The following HELLS variants were observed in gnomAD, a reference collection of about 807,000 sequenced individuals.
HELLS encodes the protein lymphoid-specific helicase.
Under a neutral mutation model 120.0 loss-of-function variants are expected in HELLS, and 32 were observed. The observed-to-expected ratio is 0.27, with a 90% confidence interval of 0.20 to 0.36. HELLS has a LOEUF of 0.36. HELLS is among the 10% of genes least tolerant of loss of function. The pLI is 1.00. For synonymous variants in HELLS, 341 were observed against 323.4 expected (o/e 1.05, Z -0.58); for missense variants, 650 against 993.4 (o/e 0.65, Z 4.65).
downstream of HELLS, among the ~76,000 whole-genome samples, chr10:94,603,805 C>G (rs954772594): frequency 1.3e-5 from 2 of 151,736 alleles, no homozygotes; most frequent in African/African-American, 4.8e-5. Context: ...TAAAGGAAAT[C>G]TTGTTGCCTG....
intron 10 of HELLS, among the ~76,000 whole-genome samples, chr10:94,578,937 G>A (rs1264960885): frequency 6.6e-6 from 1 of 152,082 alleles, no homozygotes; most frequent in Non-Finnish European, 1.5e-5. Context: ...TGAGCAGTGG[G>A]GAGTGGCTGT....
intron 8 of HELLS, 102 bp downstream of exon 8, chr10:94,574,289 A>G (rs190280680): frequency 9.2e-5 from 74 of 801,888 alleles, no homozygotes; most frequent in Middle Eastern, 4.7e-4. Flanking sequence ...ATGTTTCACT[A>G]TTATACATTT....
At chr10:94,563,521 CTG>C (rs1330752982) in intron 6 of HELLS, among the ~76,000 whole-genome samples, 3 of 151,748 alleles carry the variant, frequency 2.0e-5, no homozygotes, top group Non-Finnish European at 4.4e-5. Context: ...GGGTATCACT[CTG>C]TGACTCAAGC....
chr10:94,574,387 C>A, intron 8 of HELLS, 167 bp from the exon 9 acceptor site: 1 of 703,260 alleles, frequency 1.4e-6, no homozygotes, highest in Non-Finnish European at 2.3e-6. Flanking sequence ...ACTTTTATGG[C>A]TTTGATAAAG....
chr10:94,550,425 C>T (rs999865123), intron 2 of HELLS, among the ~76,000 whole-genome samples: 2 of 151,794 alleles, frequency 1.3e-5, no homozygotes, highest in Non-Finnish European at 2.9e-5. Context: ...ACTACAGGCG[C>T]GTGCCACCAC....
intron 6 of HELLS, among the ~76,000 whole-genome samples, chr10:94,567,655 C>T (rs1264706432): frequency 1.3e-5 from 2 of 152,232 alleles, no homozygotes; most frequent in African/African-American, 4.8e-5. Flanking sequence ...CCTGTTATCC[C>T]AGCACTTTGG....
rs533405857 is a variant in HELLS, at chr10:94,578,584, C to T, written c.1032+1779C>T. 3.3e-5 allele frequency among the ~76,000 whole-genome samples: 5 copies of T among 152,114 alleles called. No individual in the cohort carries two copies. The South Asian group carries it at 1.0e-3, about 32-fold the overall frequency. On this transcript the variant is annotated intron_variant, in intron 10 of 21. Transcript: ENST00000348459. ...TTACCTGGGCATAGTGGCCTAGCTC[C>T]TTGGGAGGCTGAGGCAGGATAATTG...
chr10:94,599,855 T>C (rs1285974810), intron 21 of HELLS, among the ~76,000 whole-genome samples: 1 of 152,224 alleles, frequency 6.6e-6, no homozygotes, highest in Non-Finnish European at 1.5e-5. Context: ...GACAGAATTA[T>C]GAAACATTGA....
intron 14 of HELLS, 40 bp downstream of exon 14, chr10:94,590,592 T>A (rs762593545): frequency 2.5e-6 from 4 of 1,609,836 alleles, no homozygotes; most frequent in Non-Finnish European, 3.4e-6. Flanking sequence ...CTTTAAACTG[T>A]GACCATTTTT....
intron 10 of HELLS, among the ~76,000 whole-genome samples, chr10:94,577,917 G>C (rs1180246787): frequency 1.3e-5 from 2 of 151,916 alleles, no homozygotes; most frequent in Non-Finnish European, 2.9e-5. Flanking sequence ...AAAAAAATTA[G>C]CCGGGCGCGG....
rs148247588 is a variant in HELLS at position 94,571,328 on chromosome 10, A to G, written c.436-60A>G. On this transcript the variant is annotated intron_variant, in intron 6 of 21. Coordinates refer to ENST00000348459, the MANE Select transcript of HELLS (RefSeq NM_018063.5). Reference sequence around the variant, plus strand: ...TGAGCACAGAATAAATGCTTGTTGAATAAATAAATAAATGAACTTCATACA... The same window carrying G: ...TGAGCACAGAATAAATGCTTGTTGAGTAAATAAATAAATGAACTTCATACA... 1,131 of 1,284,176 alleles carry G rather than the reference A, an allele frequency of 8.8e-4. 9 individuals carry two copies. The African/African-American group carries it at 0.014, about 16-fold the overall frequency. 79.5% of individuals were successfully genotyped at this position (1,284,176 alleles called of 1,614,324 possible). A position where few individuals can be genotyped will look rare whatever the true frequency, so the allele number is the denominator to read the frequency against.
At chr10:94,599,823 A>G (rs1234222141) in intron 21 of HELLS, among the ~76,000 whole-genome samples, 1 of 152,208 alleles carries the variant, frequency 6.6e-6, no homozygotes, top group Non-Finnish European at 1.5e-5. Flanking sequence ...AAGTTTAACA[A>G]TTTTTAACAT....
At chr10:94,599,302 A>G (rs1473874771) in intron 21 of HELLS, among the ~76,000 whole-genome samples, 2 of 152,230 alleles carry the variant, frequency 1.3e-5, no homozygotes, top group Non-Finnish European at 2.9e-5. Flanking sequence ...GAACTAGATG[A>G]TCACCTAATT....
chr10:94,608,280 T>C (rs963880532), intron 9 of HELLS, among the ~76,000 whole-genome samples: 1 of 152,248 alleles, frequency 6.6e-6, no homozygotes, highest in African/African-American at 2.4e-5. Flanking sequence ...TAATTTTTCC[T>C]ATTGTCCTTT....
intron 13 of HELLS, 151 bp from the exon 14 acceptor site, chr10:94,590,262 G>T: frequency 1.5e-6 from 1 of 670,082 alleles, no homozygotes; most frequent in African/African-American, 1.9e-5. Flanking sequence ...AGATATTGTT[G>T]TCCATGTTAA....
intron 4 of HELLS, among the ~76,000 whole-genome samples, chr10:94,562,447 AT>A (rs1456903919): frequency 6.6e-6 from 1 of 152,170 alleles, no homozygotes; most frequent in Non-Finnish European, 1.5e-5. Flanking sequence ...TAATTTTGAA[AT>A]TTCTCTTCTA....
intron 2 of HELLS, among the ~76,000 whole-genome samples, chr10:94,553,212 A>C (rs1018199627): frequency 2.0e-5 from 3 of 151,844 alleles, no homozygotes; most frequent in Admixed American, 6.6e-5. Context: ...ATATAATAAC[A>C]CGGAACCACA....
intron 12 of HELLS, among the ~76,000 whole-genome samples, chr10:94,586,726 C>CT (rs759581459): frequency 6.6e-6 from 1 of 152,046 alleles, no homozygotes; most frequent in Admixed American, 6.5e-5. Flanking sequence ...GTCAACGTCT[C>CT]TGTCGCCCAG....
At chr10:94,595,034 G>C (rs1038180464) in intron 19 of HELLS, among the ~76,000 whole-genome samples, 180 bp downstream of exon 19, 1 of 151,988 alleles carries the variant, frequency 6.6e-6, no homozygotes, top group Non-Finnish European at 1.5e-5. Context: ...TCGAGACCAG[G>C]CTGGCCAAGA....
Sources: allele counts gnomAD v4.1 joint callset (sites outside exome capture counted in the v4.1 genomes callset), GRCh38; gene constraint gnomAD v4.1.1; transcripts MANE v1.5; gene names NCBI Gene and HGNC (gene_info 2026-07-23, HGNC 2026-07-21).